The following SPATA6 variants were observed in gnomAD, a reference collection of about 807,000 sequenced individuals.
SPATA6 encodes spermatogenesis-associated protein 6.
SPATA6 carries 56 observed loss-of-function variants against 65.3 expected under a neutral mutation model. The ratio of observed to expected loss-of-function variants is 0.86; its 90% CI spans 0.69 to 1.07. The LOEUF (loss-of-function observed/expected upper bound fraction) is 1.07. SPATA6 is among the 50% of genes least tolerant of loss of function. SPATA6 has a pLI of 0.00. For synonymous variants in SPATA6, 199 were observed against 213.2 expected (o/e 0.93, Z 0.58); for missense variants, 590 against 594.8 (o/e 0.99, Z 0.08).
intron 3 of SPATA6, among the ~76,000 whole-genome samples, chr1:48,434,591 T>G (rs969820189): frequency 6.6e-6 from 1 of 152,042 alleles, no homozygotes; most frequent in Non-Finnish European, 1.5e-5. Context: ...GAGGAGTGAC[T>G]GGAAATAAGT....
At chr1:48,457,033 C>A (rs566195407) in intron 1 of SPATA6, among the ~76,000 whole-genome samples, 1 of 152,126 alleles carries the variant, frequency 6.6e-6, no homozygotes, top group Non-Finnish European at 1.5e-5. Context: ...GAGTTCAAGA[C>A]CAGCCTGGGC....
chr1:48,428,688 G>T (rs997571827), intron 3 of SPATA6, among the ~76,000 whole-genome samples: 24 of 151,510 alleles, frequency 1.6e-4, no homozygotes, highest in Non-Finnish European at 3.4e-4. Flanking sequence ...GGTTGGTCTT[G>T]CTGTCTCAGG....
intron 3 of SPATA6, among the ~76,000 whole-genome samples, chr1:48,428,815 GTATATATA>G (rs746601806): frequency 8.5e-6 from 1 of 118,100 alleles, no homozygotes; most frequent in Non-Finnish European, 1.8e-5. Context: ...GTGTGTATAT[GTATATATA>G]TGTGTGTATA....
chr1:48,430,546 T>C (rs1654305346), intron 3 of SPATA6, among the ~76,000 whole-genome samples: 1 of 152,028 alleles, frequency 6.6e-6, no homozygotes. Flanking sequence ...GAAATAAAGA[T>C]CTCAATAAAG....
In SPATA6 at chr1:48,298,567, T is replaced by C. The variant is rs529359370; in HGVS notation, c.*146A>G. On this transcript the variant is annotated 3_prime_UTR_variant, in exon 13 of 13. Coordinates refer to ENST00000371847, the MANE Select transcript of SPATA6 (RefSeq NM_019073.4). The stretch of plus-strand genomic sequence containing the variant: ...AGGCTTGCCTATGATAATTTACCAT[T>C]TGAAGTAATGAACTTATTCAAGTAT... 90 of 706,856 alleles carry C rather than the reference T, an allele frequency of 1.3e-4. No homozygotes were observed. The South Asian group carries it at 2.5e-3, about 20-fold the overall frequency. 43.8% of individuals were successfully genotyped at this position (706,856 alleles called of 1,614,324 possible).
chr1:48,433,058 C>T (rs1422417566), intron 3 of SPATA6, among the ~76,000 whole-genome samples: 1 of 152,054 alleles, frequency 6.6e-6, no homozygotes, highest in Non-Finnish European at 1.5e-5. Context: ...CATGATTGTG[C>T]TTATCTGAGA....
At chr1:48,262,960 C>T in the SPATA6 span, 2 of 151,906 alleles carry the variant, frequency 1.3e-5, no homozygotes. Flanking sequence ...ATAATGGTGA[C>T]CATTATCTAT....
chr1:48,364,941 G>T (rs1278537186), intron 9 of SPATA6, among the ~76,000 whole-genome samples: 1 of 151,990 alleles, frequency 6.6e-6, no homozygotes, highest in Non-Finnish European at 1.5e-5. Flanking sequence ...GGTCTTACAT[G>T]TAAGTCTTTA....
chr1:48,305,623 G>A (rs1387637025), intron 12 of SPATA6, among the ~76,000 whole-genome samples, 164 bp downstream of exon 12: 5 of 152,002 alleles, frequency 3.3e-5, no homozygotes, highest in African/African-American at 1.2e-4. Flanking sequence ...TGTTTTTACA[G>A]ATAAGTTTCA....
At chr1:48,447,428 A>G (rs577224158) in intron 3 of SPATA6, among the ~76,000 whole-genome samples, 1 of 152,330 alleles carries the variant, frequency 6.6e-6, no homozygotes, top group African/African-American at 2.4e-5. Context: ...CTGAGGCAGG[A>G]GAATCACTTG....
intron 9 of SPATA6, among the ~76,000 whole-genome samples, chr1:48,360,488 G>T (rs897590839): frequency 2.0e-5 from 3 of 152,038 alleles, no homozygotes; most frequent in African/African-American, 7.2e-5. Context: ...AAGTCACGAA[G>T]ATTATCTGTG....
the SPATA6 span, among the ~76,000 whole-genome samples, chr1:48,264,223 A>G: frequency 6.6e-6 from 1 of 152,194 alleles, no homozygotes; most frequent in African/African-American, 2.4e-5. Flanking sequence ...CCATTATTTG[A>G]GTACCCAAAT....
Position 48,385,360 on chromosome 1 carries a change from A to G in SPATA6, c.869-11T>C. ...CAAGATGAGAATGATCTGAAAAAGG[A>G]AGTACAAAACAATTAAAGTTTAAAT... On this transcript the variant is annotated splice_polypyrimidine_tract_variant and intron_variant, in intron 8 of 12. Transcript: ENST00000371847. 6.2e-7 allele frequency: 1 copy of G among 1,608,124 alleles called. No homozygotes were observed. Among genetic ancestry groups the G allele is most frequent in the Non-Finnish European group, 8.5e-7 (1 of 1,177,832 alleles).
chr1:48,461,677 TAA>T (rs1465697931), intron 1 of SPATA6, among the ~76,000 whole-genome samples: 3 of 152,122 alleles, frequency 2.0e-5, no homozygotes, highest in Non-Finnish European at 4.4e-5. Flanking sequence ...TGGCAATCAT[TAA>T]AAAGTCAGGA....
intron 12 of SPATA6, among the ~76,000 whole-genome samples, chr1:48,304,282 T>A (rs1468493850): frequency 1.3e-5 from 2 of 152,172 alleles, no homozygotes; most frequent in African/African-American, 4.8e-5. Context: ...TATAAAGTGA[T>A]CTCAAAAATG....
chr1:48,358,989 G>T (rs912404414), intron 10 of SPATA6, among the ~76,000 whole-genome samples: 2 of 152,004 alleles, frequency 1.3e-5, no homozygotes, highest in African/African-American at 4.8e-5. Context: ...CAGAAACATG[G>T]TTTTCTATAT....
chr1:48,435,984 C>G (rs1486460769), intron 3 of SPATA6: 1 of 1,603,930 alleles, frequency 6.2e-7, no homozygotes, highest in African/African-American at 1.3e-5. Context: ...TTTTGGATTG[C>G]TTCTGCACTT....
At chr1:48,371,877 A>C (rs962004008) in intron 9 of SPATA6, among the ~76,000 whole-genome samples, 1 of 152,184 alleles carries the variant, frequency 6.6e-6, no homozygotes, top group Non-Finnish European at 1.5e-5. Context: ...GCAAAAGCAG[A>C]AACCCCTGAT....
chr1:48,327,460 A>G (rs1645797264), intron 11 of SPATA6, among the ~76,000 whole-genome samples: 1 of 152,228 alleles, frequency 6.6e-6, no homozygotes, highest in Non-Finnish European at 1.5e-5. Flanking sequence ...AATTAAAAAT[A>G]GAATTACAAT....
Sources: gnomAD v4.1 joint callset for allele counts (sites outside exome capture counted in the v4.1 genomes callset) on GRCh38, gnomAD v4.1.1 for gene constraint, MANE v1.5 for transcripts, NCBI Gene and HGNC (gene_info 2026-07-23, HGNC 2026-07-21) for gene names.